Variants in SLC38A8 observed in about 807,000 individuals in gnomAD.
The protein encoded by SLC38A8 is solute carrier family 38 member 8.
A neutral mutation model predicts 46.0 loss-of-function variants in SLC38A8; 65 were observed. The observed-to-expected ratio is 1.41, with a 90% CI of 1.16 to 1.74. The LOEUF (loss-of-function observed/expected upper bound fraction) is 1.74, where lower values mean the gene tolerates loss of function less well. SLC38A8 is among the 40% of genes most tolerant of loss of function. SLC38A8 has a pLI of 0.00. For synonymous variants in SLC38A8, 447 were observed against 243.7 expected (o/e 1.83, Z -7.77); for missense variants, 998 against 567.9 (o/e 1.76, Z -7.70).
chr16:84,016,897 C>A (rs1275289510), intron 8 of SLC38A8, 170 bp from the exon 9 acceptor site: 2 of 986,198 alleles, frequency 2.0e-6, no homozygotes, highest in African/African-American at 1.6e-5. Context: ...GTTCTGCCAC[C>A]ATCGGGCAGC....
chr16:84,037,102 G>C (rs537275995), intron 2 of SLC38A8, among the ~76,000 whole-genome samples: 4 of 152,226 alleles, frequency 2.6e-5, no homozygotes, highest in African/African-American at 9.6e-5. Flanking sequence ...CAGAGCTGCA[G>C]TGCAGGCTGA....
chr16:84,028,911 C>G (rs1325783356), intron 6 of SLC38A8, among the ~76,000 whole-genome samples: 1 of 152,168 alleles, frequency 6.6e-6, no homozygotes, highest in Non-Finnish European at 1.5e-5. Flanking sequence ...ACCTCTGACT[C>G]TGCCCCTCTG....
intron 2 of SLC38A8, among the ~76,000 whole-genome samples, chr16:84,040,364 G>A (rs1265479897): frequency 6.6e-6 from 1 of 152,214 alleles, no homozygotes; most frequent in Non-Finnish European, 1.5e-5. Context: ...GGGATCTGGA[G>A]CTCATCCTAA....
intron 7 of SLC38A8, among the ~76,000 whole-genome samples, chr16:84,021,012 T>C (rs1433735325): frequency 6.6e-6 from 1 of 152,182 alleles, no homozygotes; most frequent in African/African-American, 2.4e-5. Context: ...GCATCCTGAA[T>C]GCTCTGCTCC....
intron 6 of SLC38A8, among the ~76,000 whole-genome samples, chr16:84,028,284 G>A (rs898321543): frequency 3.3e-5 from 5 of 152,016 alleles, no homozygotes; most frequent in Admixed American, 6.6e-5. Flanking sequence ...AAATCTTCCC[G>A]AAAATAAGCA....
chr16:84,036,940 A>ACAGCCCACCCACCCC, intron 2 of SLC38A8, 40 bp from the exon 3 acceptor site: 1 of 1,514,244 alleles, frequency 6.6e-7, no homozygotes, highest in East Asian at 2.5e-5. Context: ...GGGTGTGCCC[A>ACAGCCCACCCACCCC]CAGCCCACCC....
intron 7 of SLC38A8, among the ~76,000 whole-genome samples, chr16:84,017,695 A>T (rs1312345176): frequency 6.6e-6 from 1 of 152,236 alleles, no homozygotes. Context: ...GAGCCAGGGC[A>T]TCAACCAATA....
intron 6 of SLC38A8, among the ~76,000 whole-genome samples, chr16:84,027,001 T>A (rs914267929): frequency 2.6e-5 from 4 of 152,132 alleles, no homozygotes; most frequent in Non-Finnish European, 5.9e-5. Context: ...ACTGCACACT[T>A]CAGAAGGGTG....
rs972862727 is a variant in SLC38A8, at chr16:84,009,786, A to G, written c.1306T>C (p.Ter436ArgextTer33). The G allele has an allele frequency of 3.7e-6, 6 of 1,613,604 alleles. No homozygotes were observed. Among genetic ancestry groups the G allele is most frequent in the Non-Finnish European group, 5.1e-6 (6 of 1,179,740 alleles). Reference protein sequence around the residue: ...STAAAVWEMF* With the variant: ...STAAAVWEMFR ...TCCTGCCCGGCACTAGCTGCCCATC[A>G]GAACATCTCCCAGACCGCTGCCGCC... The change falls in exon 11 of 11, where the codon TGA becomes CGA. Residue 436 changes from the stop codon to arginine (R), a stop_lost. Coordinates refer to ENST00000299709, the MANE Select transcript of SLC38A8 (RefSeq NM_001080442.3).
In SLC38A8 at chr16:84,036,445, C is replaced by T. The variant is rs147157251; in HGVS notation, c.388+257G>A. 2.6e-4 allele frequency among the ~76,000 whole-genome samples: 39 copies of T among 152,350 alleles called. No homozygotes were observed. In the East Asian group the frequency reaches 3.1e-3, roughly 12 times the overall value. On this transcript the variant is annotated intron_variant, in intron 3 of 10. Coordinates refer to ENST00000299709, the MANE Select transcript of SLC38A8 (RefSeq NM_001080442.3). ...TGGCTCCATTTACTCATCTGTGAAACGACTTATCTCCACTGGATATCCTAA... is the reference window on the plus strand; with the variant it reads ...TGGCTCCATTTACTCATCTGTGAAATGACTTATCTCCACTGGATATCCTAA...
chr16:84,016,831 G>T (rs2085032878), intron 8 of SLC38A8, 104 bp from the exon 9 acceptor site: 2 of 1,266,484 alleles, frequency 1.6e-6, no homozygotes, highest in African/African-American at 1.5e-5. Context: ...ACCTGTCAGT[G>T]CTCCTGTTCC....
At chr16:84,032,933 G>C (rs1312398748) in intron 4 of SLC38A8, among the ~76,000 whole-genome samples, 3 of 139,936 alleles carry the variant, frequency 2.1e-5, no homozygotes, top group Admixed American at 1.4e-4. Context: ...TGGGTACGTG[G>C]GTGTGCATGG....
chr16:84,029,551 G>T lies in SLC38A8; in HGVS notation c.633C>A (p.Ser211Arg), dbSNP rs1421508714. ...GLVRESHPSL[S>R]PASWTSVFSV... ...TGAACACAGAGGTCCAGGAGGCAGG[G>T]CTGTAAACAGACAAGAACAGGAGTT... The change falls in exon 6 of 11, where the codon AGC (serine) becomes AGA (arginine). Residue 211 changes from serine to arginine, a missense_variant and splice_region_variant. By Grantham distance (110) the Ser-to-Arg change is moderately radical (BLOSUM62 -1). Coordinates refer to ENST00000299709, the MANE Select transcript of SLC38A8 (RefSeq NM_001080442.3). The T allele has an allele frequency of 1.2e-6, 2 of 1,613,952 alleles. No homozygotes were observed. The highest frequency in any genetic ancestry group is 1.7e-6 in the Non-Finnish European group (2 of 1,179,984).
At position 84,009,803 on chromosome 16, in the gene SLC38A8, G is replaced by T. The variant is rs202082621; in HGVS notation, c.1289C>A (p.Ala430Glu). Residue 430 changes from alanine to glutamate, a missense_variant, in exon 11 of 11, where the codon GCG becomes GAG. Physicochemically the swap from Ala to Glu is moderately radical, Grantham distance 107. Coordinates refer to ENST00000299709, the MANE Select transcript of SLC38A8 (RefSeq NM_001080442.3). Reference sequence around the variant, plus strand: ...TGCCCATCAGAACATCTCCCAGACCGCTGCCGCCGTGCTCTGCCCAAAGAT... The same window carrying T: ...TGCCCATCAGAACATCTCCCAGACCTCTGCCGCCGTGCTCTGCCCAAAGAT... Reference protein sequence around the residue: ...TFIFGQSTAAAVWEMF With the variant: ...TFIFGQSTAAEVWEMF The T allele has an allele frequency of 2.5e-5, 41 of 1,613,630 alleles. No homozygotes were observed. The Admixed American group carries it at 4.8e-4, about 19-fold the overall frequency.
At position 84,013,994 on chromosome 16, in the gene SLC38A8, G is replaced by A. The variant is rs562671756; in HGVS notation, c.1163-942C>T. Among the ~76,000 whole-genome samples the A allele has an allele frequency of 2.6e-5, 4 of 152,078 alleles. No individual in the cohort carries two copies. The East Asian group carries it at 7.8e-4, about 30-fold the overall frequency. ...CCAGAGCCTGAGTGAGGAGCCGTGT[G>A]GCCACACCCTCAGCCCTGAAAGCCC... On this transcript the variant is annotated intron_variant, in intron 9 of 10. Coordinates refer to ENST00000299709, the MANE Select transcript of SLC38A8 (RefSeq NM_001080442.3).
At chr16:84,035,653 G>A (rs2085292288) in intron 3 of SLC38A8, among the ~76,000 whole-genome samples, 1 of 152,202 alleles carries the variant, frequency 6.6e-6, no homozygotes, top group Non-Finnish European at 1.5e-5. Flanking sequence ...GTCAAAGAAT[G>A]AGAAGAGAAC....
At chr16:84,009,929 A>T in intron 10 of SLC38A8, 52 bp from the exon 11 acceptor site, 2 of 1,531,308 alleles carry the variant, frequency 1.3e-6, no homozygotes, top group South Asian at 1.1e-5. Context: ...TTGCACAAAT[A>T]AGCCACACAC....
intron 9 of SLC38A8, 100 bp from the exon 10 acceptor site, chr16:84,013,152 G>C (rs74032385): frequency 0.015 from 21,430 of 1,399,894 alleles, 421 homozygotes; most frequent in East Asian, 0.1. Flanking sequence ...GGCCAGCAAG[G>C]CCTCCGCCCA....
intron 2 of SLC38A8, 68 bp from the exon 3 acceptor site, chr16:84,036,968 C>G (rs1222146247): frequency 1.3e-5 from 19 of 1,460,156 alleles, no homozygotes; most frequent in Non-Finnish European, 1.6e-5. Flanking sequence ...GCCAGCCACC[C>G]CTCGGGCACA....
Sources: allele counts gnomAD v4.1 joint callset (sites outside exome capture counted in the v4.1 genomes callset), GRCh38; gene constraint gnomAD v4.1.1; transcripts MANE v1.5; gene names NCBI Gene and HGNC (gene_info 2026-07-23, HGNC 2026-07-21).